The following FMN2 variants were observed in gnomAD, a reference collection of about 807,000 sequenced individuals.
The protein encoded by FMN2 is formin-2.
In FMN2, 51 loss-of-function variants were observed where a neutral mutation model predicts 142.3. The ratio of observed to expected loss-of-function variants is 0.36; its 90% CI spans 0.29 to 0.45. FMN2 has a LOEUF of 0.45. Ranked by LOEUF, FMN2 falls within the 20% of genes least tolerant of loss-of-function variation. FMN2 has a pLI of 1.00. For missense variants in FMN2, 1,936 were observed against 2,122.8 expected (o/e 0.91, Z 1.73); for synonymous variants, 882 against 869.8 (o/e 1.01, Z -0.25).
At chr1:240,181,664 G>A (rs146317257) in intron 3 of FMN2, among the ~76,000 whole-genome samples, 159 of 152,282 alleles carry the variant, frequency 1.0e-3, no homozygotes, top group African/African-American at 3.7e-3. Context: ...TTTGAAGTCT[G>A]CAGAACACCC....
chr1:240,424,779 G>A (rs547112840), intron 15 of FMN2, among the ~76,000 whole-genome samples: 1 of 152,148 alleles, frequency 6.6e-6, no homozygotes, highest in Non-Finnish European at 1.5e-5. Context: ...CTGGGTTAGA[G>A]ACAGAACTAA....
intron 6 of FMN2, among the ~76,000 whole-genome samples, chr1:240,229,037 T>C (rs1242557897): frequency 1.3e-5 from 2 of 151,888 alleles, no homozygotes; most frequent in Non-Finnish European, 2.9e-5. Context: ...TTCTGGTGAC[T>C]TTCGGACACA....
intron 2 of FMN2, among the ~76,000 whole-genome samples, chr1:240,175,458 C>T (rs1282009693): frequency 6.6e-6 from 1 of 152,106 alleles, no homozygotes; most frequent in Non-Finnish European, 1.5e-5. Context: ...GTACACAATG[C>T]TTTCAATTTC....
At chr1:240,153,497 C>T (rs1229944792) in intron 2 of FMN2, among the ~76,000 whole-genome samples, 3 of 149,434 alleles carry the variant, frequency 2.0e-5, no homozygotes, top group Non-Finnish European at 4.4e-5. Flanking sequence ...GTAGCTGGTA[C>T]CACAGGTGCA....
At chr1:240,396,727 T>G (rs1673791880) in intron 15 of FMN2, among the ~76,000 whole-genome samples, 1 of 152,210 alleles carries the variant, frequency 6.6e-6, no homozygotes, top group Non-Finnish European at 1.5e-5. Context: ...GTTCTTGCGT[T>G]AATTCTCTTA....
chr1:240,131,246 G>T (rs1662722381), intron 2 of FMN2, among the ~76,000 whole-genome samples: 1 of 152,146 alleles, frequency 6.6e-6, no homozygotes, highest in Non-Finnish European at 1.5e-5. Context: ...AATGCCCTTT[G>T]CCTGTTACCA....
intron 7 of FMN2, among the ~76,000 whole-genome samples, chr1:240,286,820 G>T (rs988080691): frequency 1.4e-4 from 22 of 152,132 alleles, no homozygotes; most frequent in African/African-American, 5.1e-4. Flanking sequence ...TTTAGTAGTC[G>T]TTCACTTTCA....
In FMN2 at chr1:240,450,568, C is replaced by T. The variant is rs116345422; in HGVS notation, c.5060+12358C>T. On this transcript the variant is annotated intron_variant, in intron 16 of 17. Transcript: ENST00000319653. ...ATCCTCTCCCACCCGGCCCCAGCCA[C>T]GTTCCACCTCCGATTGATTATAGAG... Among the ~76,000 whole-genome samples, 649 of 152,316 alleles carry T rather than the reference C, an allele frequency of 4.3e-3. 2 individuals are homozygous for T. The highest frequency in any genetic ancestry group is 0.014 in the African/African-American group (599 of 41,586).
intron 8 of FMN2, among the ~76,000 whole-genome samples, chr1:240,300,348 G>A (rs989309790): frequency 2.0e-5 from 3 of 152,136 alleles, no homozygotes; most frequent in African/African-American, 7.2e-5. Flanking sequence ...ATGGTAGAAC[G>A]TTTAGGCAAC....
chr1:240,264,476 C>T (rs1242836111), intron 7 of FMN2, among the ~76,000 whole-genome samples: 1 of 152,028 alleles, frequency 6.6e-6, no homozygotes, highest in Non-Finnish European at 1.5e-5. Context: ...TGGTTTGTTG[C>T]ACCCATCAAT....
In FMN2 at chr1:240,241,825, C is replaced by CTTTTTTTTTTTTTTTTTTTTT. The variant is rs71567282; in HGVS notation, c.4066-16111_4066-16091dup. Reference sequence around the variant, plus strand: ...ATTTTCTTTATTTTAGTGTGCCTTGCTTTTTTTTTTTTTTTTTTTTTTTTT... The same window carrying CTTTTTTTTTTTTTTTTTTTTT: ...ATTTTCTTTATTTTAGTGTGCCTTGCTTTTTTTTTTTTTTTTTTTTTTTTTTTTTTTTTTTTTTTTTTTTTT... On this transcript the variant is annotated intron_variant, in intron 6 of 17. Coordinates refer to ENST00000319653, the MANE Select transcript of FMN2 (RefSeq NM_020066.5). Among the ~76,000 whole-genome samples, 19 of 96,222 alleles carry CTTTTTTTTTTTTTTTTTTTTT rather than the reference C, an allele frequency of 2.0e-4. 1 individual carries two copies. Among genetic ancestry groups the CTTTTTTTTTTTTTTTTTTTTT allele is most frequent in the African/African-American group, 6.1e-4 (16 of 26,316 alleles). The allele number at this position is 96,222 out of a possible 152,430, so 63.1% of individuals were successfully genotyped here. A position where few individuals can be genotyped will look rare whatever the true frequency, so the allele number is the denominator to read the frequency against.
chr1:240,344,611 G>T (rs966400555), intron 13 of FMN2, among the ~76,000 whole-genome samples: 3 of 152,084 alleles, frequency 2.0e-5, no homozygotes, highest in Admixed American at 2.0e-4. Flanking sequence ...TTGGACAGGA[G>T]AATTAATGAG....
rs12092043 is a variant in FMN2 at position 240,348,791 on chromosome 1, C to G, written c.4766-7025C>G. On this transcript the variant is annotated intron_variant, in intron 13 of 17. Coordinates refer to ENST00000319653, the MANE Select transcript of FMN2 (RefSeq NM_020066.5). ...ACTCTCGCTTTTGTCAGTACATATACAGTACTTGTGAAAGGTAGTGAGGCC... is the reference window on the plus strand; with the variant it reads ...ACTCTCGCTTTTGTCAGTACATATAGAGTACTTGTGAAAGGTAGTGAGGCC... 5.0e-3 allele frequency among the ~76,000 whole-genome samples: 758 copies of G among 152,286 alleles called. 9 individuals carry two copies. Among genetic ancestry groups the G allele is most frequent in the African/African-American group, 0.017 (713 of 41,546 alleles).
intron 8 of FMN2, among the ~76,000 whole-genome samples, chr1:240,309,379 T>A (rs72766250): frequency 0.14 from 21,833 of 152,022 alleles, 2,035 homozygotes; most frequent in African/African-American, 0.26. Flanking sequence ...GGAGTTAGGA[T>A]GCTACAGTGA....
chr1:240,136,615 G>A (rs543780110), intron 2 of FMN2, among the ~76,000 whole-genome samples: 1 of 152,194 alleles, frequency 6.6e-6, no homozygotes, highest in South Asian at 2.1e-4. Context: ...GAATTTGTAT[G>A]ATGGACTTTT....
At chr1:240,312,531 A>C (rs1328848144) in intron 8 of FMN2, among the ~76,000 whole-genome samples, 1 of 152,228 alleles carries the variant, frequency 6.6e-6, no homozygotes, top group East Asian at 1.9e-4. Flanking sequence ...CTTGGCACAT[A>C]GTAAGCACTA....
intron 2 of FMN2, among the ~76,000 whole-genome samples, chr1:240,148,756 G>A (rs890224601): frequency 3.9e-5 from 6 of 152,076 alleles, no homozygotes; most frequent in Non-Finnish European, 7.4e-5. Flanking sequence ...CGAGGCGGGC[G>A]GATCACGAGG....
chr1:240,222,143 A>T (rs1198844450), intron 6 of FMN2, among the ~76,000 whole-genome samples: 4 of 151,804 alleles, frequency 2.6e-5, no homozygotes, highest in Non-Finnish European at 4.4e-5. Context: ...TAAGTCTTTA[A>T]TCCATCTTGA....
chr1:240,284,063 G>A (rs979466826), intron 7 of FMN2, among the ~76,000 whole-genome samples: 7 of 152,112 alleles, frequency 4.6e-5, no homozygotes, highest in African/African-American at 1.7e-4. Flanking sequence ...AAAAGGAAAA[G>A]GCATGTGAAG....
Sources: gnomAD v4.1 joint callset for allele counts (sites outside exome capture counted in the v4.1 genomes callset) on GRCh38, gnomAD v4.1.1 for gene constraint, MANE v1.5 for transcripts, NCBI Gene and HGNC (gene_info 2026-07-23, HGNC 2026-07-21) for gene names.